MDGA2: variants seen among roughly 807,000 people sequenced by gnomAD.
MDGA2 encodes MAM domain-containing glycosylphosphatidylinositol anchor protein 2.
MDGA2 carries 40 observed loss-of-function variants against 117.8 expected under a neutral mutation model. The ratio of observed to expected loss-of-function variants is 0.34; its 90% CI spans 0.26 to 0.44. The LOEUF is 0.44. Among genes scored for constraint, MDGA2 ranks in the 20% least tolerant of loss-of-function variants. The pLI is 1.00. For missense variants in MDGA2, 1,123 were observed against 1,250.6 expected, an observed-to-expected ratio of 0.90 and a Z score of 1.54; for synonymous variants, 452 against 439.0, an observed-to-expected ratio of 1.03 and a Z score of -0.37.
intron 1 of MDGA2, among the ~76,000 whole-genome samples, chr14:47,562,963 T>TGCA (rs996056525): frequency 1.3e-5 from 2 of 152,190 alleles, no homozygotes; most frequent in Admixed American, 1.3e-4. Flanking sequence ...AAGAATTTCT[T>TGCA]GATCTCTGCC....
intron 2 of MDGA2, among the ~76,000 whole-genome samples, chr14:47,277,469 T>C (rs17118285): frequency 0.024 from 3,705 of 152,280 alleles, 153 homozygotes; most frequent in African/African-American, 0.084. Flanking sequence ...TGAACAATTA[T>C]AAATATTAAA....
chr14:47,636,913 A>G (rs1328824693), intron 1 of MDGA2, among the ~76,000 whole-genome samples: 1 of 151,536 alleles, frequency 6.6e-6, no homozygotes. Flanking sequence ...TGAACGTTAC[A>G]GTGAGCTGAG....
intron 1 of MDGA2, among the ~76,000 whole-genome samples, chr14:47,545,499 T>C (rs1326733504): frequency 6.6e-6 from 1 of 152,190 alleles, no homozygotes; most frequent in African/African-American, 2.4e-5. Flanking sequence ...CATGATTTGA[T>C]ATACATTATA....
intron 1 of MDGA2, among the ~76,000 whole-genome samples, chr14:47,321,647 T>C (rs998325854): frequency 1.3e-5 from 2 of 152,164 alleles, no homozygotes; most frequent in African/African-American, 2.4e-5. Flanking sequence ...ACTGCAATTT[T>C]ATCTGAGCCA....
At chr14:47,531,551 C>T (rs9323145) in intron 1 of MDGA2, among the ~76,000 whole-genome samples, 113,479 of 151,628 alleles carry the variant, frequency 0.75, 42,873 homozygotes, top group East Asian at 1. Flanking sequence ...GCTTGTAAAC[C>T]TTGGATAATA....
intron 8 of MDGA2, 120 bp from the exon 9 acceptor site, chr14:46,957,763 G>T: frequency 1.8e-6 from 2 of 1,110,978 alleles, no homozygotes; most frequent in Non-Finnish European, 2.6e-6. Flanking sequence ...AGTGTAGGAG[G>T]TGAATGAAGA....
intron 8 of MDGA2, among the ~76,000 whole-genome samples, chr14:47,012,267 T>C (rs1887921075): frequency 6.6e-6 from 1 of 152,146 alleles, no homozygotes; most frequent in African/African-American, 2.4e-5. Context: ...AAATAGTCAG[T>C]TGAATCAACC....
At chr14:47,387,204 G>T (rs148176712) in intron 1 of MDGA2, among the ~76,000 whole-genome samples, 138 of 152,190 alleles carry the variant, frequency 9.1e-4, no homozygotes, top group African/African-American at 3.0e-3. Context: ...AAATTTCATA[G>T]GCCAAATCGG....
At chr14:47,202,344 G>A (rs1185112449) in intron 3 of MDGA2, among the ~76,000 whole-genome samples, 2 of 152,176 alleles carry the variant, frequency 1.3e-5, no homozygotes, top group Non-Finnish European at 2.9e-5. Context: ...AGGTGGAGAT[G>A]CATGCTTGCA....
intron 2 of MDGA2, among the ~76,000 whole-genome samples, chr14:47,230,862 T>A (rs1263867690): frequency 1.3e-5 from 2 of 151,984 alleles, no homozygotes; most frequent in African/African-American, 4.8e-5. Flanking sequence ...TTAGGACCAA[T>A]GAATCAGAGA....
At chr14:46,846,318 T>C (rs1880837488) in intron 15 of MDGA2, among the ~76,000 whole-genome samples, 1 of 152,132 alleles carries the variant, frequency 6.6e-6, no homozygotes, top group Non-Finnish European at 1.5e-5. Flanking sequence ...GTAATATGTA[T>C]ATTGAAGCCC....
chr14:47,431,918 C>T (rs952234157), intron 1 of MDGA2, among the ~76,000 whole-genome samples: 12 of 152,018 alleles, frequency 7.9e-5, no homozygotes, highest in Non-Finnish European at 1.8e-4. Flanking sequence ...ACTACAAGCA[C>T]TCTTTATTTC....
intron 1 of MDGA2, among the ~76,000 whole-genome samples, chr14:47,374,044 A>G (rs1237523989): frequency 6.6e-6 from 1 of 152,138 alleles, no homozygotes; most frequent in Non-Finnish European, 1.5e-5. Context: ...CATATTTGGG[A>G]TGAGAAAATA....
At chr14:47,269,487 C>A (rs973009710) in intron 2 of MDGA2, among the ~76,000 whole-genome samples, 5 of 152,042 alleles carry the variant, frequency 3.3e-5, no homozygotes, top group African/African-American at 1.2e-4. Flanking sequence ...ATCAAAGAAG[C>A]AGTAGTAATA....
intron 6 of MDGA2, among the ~76,000 whole-genome samples, chr14:47,072,747 T>C (rs1207751358): frequency 6.6e-6 from 1 of 152,160 alleles, no homozygotes; most frequent in African/African-American, 2.4e-5. Flanking sequence ...AGAGCCTCTG[T>C]TATTGAAAAA....
intron 3 of MDGA2, chr14:47,200,758 G>A (rs113480226): frequency 2.3e-6 from 2 of 857,104 alleles, no homozygotes; most frequent in Non-Finnish European, 3.8e-6. Context: ...AGCCAACCTC[G>A]TGAGCCAGGC....
chr14:47,009,196 A>G (rs770380715), intron 8 of MDGA2, among the ~76,000 whole-genome samples: 29 of 152,168 alleles, frequency 1.9e-4, no homozygotes, highest in Non-Finnish European at 3.7e-4. Context: ...TGGTACTACA[A>G]TAAGTTTTTT....
At chr14:47,135,540 A>G (rs192073061) in intron 4 of MDGA2, among the ~76,000 whole-genome samples, 23 of 152,274 alleles carry the variant, frequency 1.5e-4, no homozygotes, top group Admixed American at 1.4e-3. Flanking sequence ...TTCCCCAAGA[A>G]GAAATGTAGT....
intron 8 of MDGA2, among the ~76,000 whole-genome samples, chr14:47,000,527 T>A (rs994079123): frequency 2.7e-5 from 4 of 149,512 alleles, no homozygotes; most frequent in Admixed American, 6.8e-5. Context: ...TTGGCTATTA[T>A]ATCATGATAT....
Sources: gnomAD v4.1 joint callset for allele counts (sites outside exome capture counted in the v4.1 genomes callset) on GRCh38, gnomAD v4.1.1 for gene constraint, MANE v1.5 for transcripts, NCBI Gene and HGNC (gene_info 2026-07-23, HGNC 2026-07-21) for gene names.